The following CAPN14 variants were observed in gnomAD, a reference collection of about 807,000 sequenced individuals.
The protein encoded by CAPN14 is calpain-14.
CAPN14 carries 94 observed loss-of-function variants against 101.3 expected under a neutral mutation model. The observed-to-expected ratio is 0.93, with a 90% CI of 0.79 to 1.10. The LOEUF (loss-of-function observed/expected upper bound fraction) is 1.10. Among genes scored for constraint, CAPN14 ranks in the 50% least tolerant of loss-of-function variants. The probability of loss-of-function intolerance (pLI) is 0.00; values close to 1 mark genes in which losing one functional copy is unlikely to be tolerated. For missense variants in CAPN14, 837 were observed against 828.4 expected (o/e 1.01, Z -0.13); for synonymous variants, 338 against 317.9 (o/e 1.06, Z -0.67).
intron 1 of CAPN14, among the ~76,000 whole-genome samples, chr2:31,227,061 A>G (rs1683043814): frequency 6.6e-6 from 1 of 152,202 alleles, no homozygotes; most frequent in African/African-American, 2.4e-5. Flanking sequence ...GTGCTACAAA[A>G]GCAGACACTG....
chr2:31,199,043 C>T (rs1183721903), intron 7 of CAPN14, among the ~76,000 whole-genome samples: 1 of 152,216 alleles, frequency 6.6e-6, no homozygotes, highest in African/African-American at 2.4e-5. Context: ...CCTTTGTAGG[C>T]AGGTCCTGCC....
intron 14 of CAPN14, 54 bp downstream of exon 14, chr2:31,188,264 C>T: frequency 3.3e-6 from 5 of 1,493,510 alleles, no homozygotes; most frequent in Non-Finnish European, 4.6e-6. Context: ...AGAAACCCAA[C>T]ACCCTGGCTT....
chr2:31,188,263 A>G, intron 14 of CAPN14, 55 bp downstream of exon 14: 3 of 1,490,502 alleles, frequency 2.0e-6, no homozygotes, highest in Non-Finnish European at 2.7e-6. Context: ...GAGAAACCCA[A>G]CACCCTGGCT....
chr2:31,191,005 G>A (rs755707433), intron 12 of CAPN14, among the ~76,000 whole-genome samples: 1 of 152,060 alleles, frequency 6.6e-6, no homozygotes, highest in Non-Finnish European at 1.5e-5. Context: ...GGTCTTTGAT[G>A]TCCCATATGT....
At chr2:31,216,482 C>G (rs1370865168) in intron 1 of CAPN14, among the ~76,000 whole-genome samples, 1 of 152,058 alleles carries the variant, frequency 6.6e-6, no homozygotes, top group Non-Finnish European at 1.5e-5. Flanking sequence ...AATTTCTGCC[C>G]TCGAGGAAGT....
In CAPN14 at chr2:31,181,013, G is replaced by A. The variant is rs76939962; in HGVS notation, c.1646-13C>T. On this transcript the variant is annotated splice_polypyrimidine_tract_variant and intron_variant, in intron 16 of 21. Coordinates refer to ENST00000403897, the MANE Select transcript of CAPN14 (RefSeq NM_001145122.2). The stretch of plus-strand genomic sequence containing the variant: ...CTGCTCCCCAGACCTGTGAAGGAGC[G>A]AAAGAGTCCACATGGGGGCTGGCCC... 0.014 allele frequency: 21,328 copies of A among 1,550,902 alleles called. 213 individuals are homozygous for A. Among genetic ancestry groups the A allele is most frequent in the South Asian group, 0.03 (2,540 of 83,992 alleles).
chr2:31,182,851 G>A (rs894554748), intron 16 of CAPN14, among the ~76,000 whole-genome samples: 1 of 151,744 alleles, frequency 6.6e-6, no homozygotes, highest in South Asian at 2.1e-4. Context: ...AGTTCACATG[G>A]AACCAAAAAA....
rs73921593 is a variant in CAPN14, at chr2:31,216,069, T to C, written c.-53+1387A>G. 3.4e-3 allele frequency among the ~76,000 whole-genome samples: 513 copies of C among 152,234 alleles called. 1 individual carries two copies. Among genetic ancestry groups the C allele is most frequent in the African/African-American group, 0.012 (481 of 41,534 alleles). On this transcript the variant is annotated intron_variant, in intron 1 of 21. Transcript: ENST00000403897. ...CATGGATAAATATTAATAATAGTGA[T>C]AACCATTTATACAATGAAATACTTC...
chr2:31,189,816 T>A, intron 12 of CAPN14: 1 of 467,582 alleles, frequency 2.1e-6, no homozygotes, highest in Non-Finnish European at 4.3e-6. Flanking sequence ...GGTTAGGTCA[T>A]CTGCCCAGAG....
At chr2:31,176,687 GA>G (rs1440432693) in intron 20 of CAPN14, 45 bp from the exon 21 acceptor site, 10 of 1,479,832 alleles carry the variant, frequency 6.8e-6, no homozygotes, top group Non-Finnish European at 9.2e-6. Flanking sequence ...GTGTCTATTG[GA>G]AACATTATGA....
chr2:31,179,091 T>TATAC (rs1226550939), intron 17 of CAPN14, among the ~76,000 whole-genome samples: 3 of 142,568 alleles, frequency 2.1e-5, no homozygotes, highest in Middle Eastern at 3.7e-3. Context: ...TATATATATA[T>TATAC]ACTTTAAGTT....
chr2:31,215,663 A>G (rs1682607702), intron 1 of CAPN14, among the ~76,000 whole-genome samples: 2 of 151,112 alleles, frequency 1.3e-5, no homozygotes, highest in Non-Finnish European at 2.9e-5. Flanking sequence ...CTTCACTCAC[A>G]CTCATGAACT....
rs368597382 is a variant in CAPN14 at position 31,189,347 on chromosome 2, G to A, written c.1419C>T (p.Ile473=). ...ELCLEPGTYL[I]VPCILEAHQK... is the part of the protein sequence containing the mutation. ...GGTGGGCCTCCAATATGCAGGGCACGATGAGGTACGTCCCTGGTTCCAGAC... is the reference window on the plus strand; with the variant it reads ...GGTGGGCCTCCAATATGCAGGGCACAATGAGGTACGTCCCTGGTTCCAGAC... Residue 473 remains isoleucine, a synonymous_variant, in exon 13 of 22, where the codon ATC becomes ATT. Coordinates refer to ENST00000403897, the MANE Select transcript of CAPN14 (RefSeq NM_001145122.2). The A allele has an allele frequency of 2.7e-5, 42 of 1,551,742 alleles. 3 individuals carry two copies. In the South Asian group the frequency reaches 3.1e-4, roughly 11 times the overall value.
At chr2:31,208,944 T>C (rs998521637) in intron 1 of CAPN14, among the ~76,000 whole-genome samples, 2 of 152,114 alleles carry the variant, frequency 1.3e-5, no homozygotes, top group African/African-American at 4.8e-5. Context: ...TGCCAGGTTG[T>C]TCTGCAGTGT....
At chr2:31,233,930 T>C (rs1683269520), upstream of CAPN14, 1 of 152,570 alleles carries the variant, frequency 6.6e-6, no homozygotes, top group Non-Finnish European at 1.5e-5. Context: ...AGGCGGAGAC[T>C]GAGACACCGG....
At chr2:31,187,628 G>T in intron 15 of CAPN14, 130 bp downstream of exon 15, 1 of 729,306 alleles carries the variant, frequency 1.4e-6, no homozygotes, top group Non-Finnish European at 2.3e-6. Flanking sequence ...GTGGCAGTTT[G>T]GGCAATAGGT....
rs1326282288 is a variant in CAPN14, at chr2:31,202,006, G to T, written c.415-8C>A. 1 of 1,551,594 alleles carries T rather than the reference G, an allele frequency of 6.4e-7. No individual in the cohort carries two copies. Among genetic ancestry groups the T allele is most frequent in the Non-Finnish European group, 8.7e-7 (1 of 1,146,876 alleles). On this transcript the variant is annotated splice_region_variant and splice_polypyrimidine_tract_variant and intron_variant, in intron 4 of 21. Coordinates refer to ENST00000403897, the MANE Select transcript of CAPN14 (RefSeq NM_001145122.2). ...GTTCCCATAGTGCCAGAACTGGAGGGAGAGAGTGGCCCCGGGTGAATGAGG... is the reference window on the plus strand; with the variant it reads ...GTTCCCATAGTGCCAGAACTGGAGGTAGAGAGTGGCCCCGGGTGAATGAGG...
chr2:31,195,649 T>C (rs2886305), intron 8 of CAPN14, among the ~76,000 whole-genome samples: 1 of 151,972 alleles, frequency 6.6e-6, no homozygotes, highest in South Asian at 2.1e-4. Context: ...AAGACTTTAT[T>C]GAATACATGG....
intron 20 of CAPN14, 89 bp from the exon 21 acceptor site, chr2:31,176,731 C>T (rs984853084): frequency 4.1e-6 from 5 of 1,231,418 alleles, no homozygotes; most frequent in African/African-American, 1.5e-5. Flanking sequence ...ACCTTAACCA[C>T]ATCCATTCTG....
Sources: gnomAD v4.1 joint callset for allele counts (sites outside exome capture counted in the v4.1 genomes callset) on GRCh38, gnomAD v4.1.1 for gene constraint, MANE v1.5 for transcripts, NCBI Gene and HGNC (gene_info 2026-07-23, HGNC 2026-07-21) for gene names.